SPOCK3: variants seen among roughly 807,000 people sequenced by gnomAD.
SPOCK3 encodes the protein SPARC (osteonectin), cwcv and kazal like domains proteoglycan 3.
Under a neutral mutation model 56.6 loss-of-function variants are expected in SPOCK3, and 30 were observed. That is an observed-to-expected ratio of 0.53 (90% CI 0.40 to 0.72). The LOEUF is 0.72. Among genes scored for constraint, SPOCK3 ranks in the 30% least tolerant of loss-of-function variants. The pLI is 0.00. For missense variants in SPOCK3, 527 were observed against 530.0 expected, an observed-to-expected ratio of 0.99 and a Z score of 0.06; for synonymous variants, 196 against 183.3, an observed-to-expected ratio of 1.07 and a Z score of -0.56.
At chr4:166,842,579 A>G (rs996135737) in intron 6 of SPOCK3, among the ~76,000 whole-genome samples, 2 of 152,192 alleles carry the variant, frequency 1.3e-5, no homozygotes, top group Admixed American at 6.5e-5. Flanking sequence ...CAGAGTGCTG[A>G]TTGGTGTATT....
At chr4:166,791,677 GT>G (rs966150334) in intron 7 of SPOCK3, among the ~76,000 whole-genome samples, 5 of 151,870 alleles carry the variant, frequency 3.3e-5, no homozygotes, top group Admixed American at 3.3e-4. Flanking sequence ...ATTGTAAGAG[GT>G]ATATGGCTCT....
chr4:166,974,625 T>C (rs1745749479), intron 4 of SPOCK3, among the ~76,000 whole-genome samples: 1 of 152,178 alleles, frequency 6.6e-6, no homozygotes, highest in African/African-American at 2.4e-5. Context: ...ATTTCTCTCC[T>C]ACCAAGTTTT....
chr4:167,205,518 TTA>T (rs1287315972), intron 2 of SPOCK3, among the ~76,000 whole-genome samples: 10 of 59,140 alleles, frequency 1.7e-4, no homozygotes, highest in East Asian at 6.2e-4. Flanking sequence ...ATAATATATA[TTA>T]TATATATTAT....
rs572756040 is a variant in SPOCK3, at chr4:166,772,308, C to T, written c.710-17579G>A. Among the ~76,000 whole-genome samples the T allele has an allele frequency of 6.6e-5, 10 of 151,996 alleles. No individual in the cohort carries two copies. The East Asian group carries it at 1.9e-3, about 29-fold the overall frequency. ...TATGCAATGCTATCTGCTGTATTTC[C>T]AAAAATGCCACATTCCATATTCATT... is the stretch of plus-strand genomic sequence containing the variant. On this transcript the variant is annotated intron_variant, in intron 7 of 10. Transcript: ENST00000357545.
At chr4:166,800,632 A>G (rs568399661) in intron 6 of SPOCK3, among the ~76,000 whole-genome samples, 8 of 152,324 alleles carry the variant, frequency 5.3e-5, no homozygotes, top group African/African-American at 1.4e-4. Flanking sequence ...TTTATAGTAC[A>G]AAGATATAAC....
At chr4:167,212,405 C>T (rs962410324) in intron 2 of SPOCK3, among the ~76,000 whole-genome samples, 1 of 151,808 alleles carries the variant, frequency 6.6e-6, no homozygotes, top group Non-Finnish European at 1.5e-5. Flanking sequence ...CCATGCCTGG[C>T]TACTTTTTGT....
chr4:166,833,643 T>C (rs983952203), intron 6 of SPOCK3, among the ~76,000 whole-genome samples: 2 of 152,232 alleles, frequency 1.3e-5, no homozygotes, highest in Admixed American at 6.5e-5. Context: ...TTGCCCCACA[T>C]ATTCCCCATT....
intron 3 of SPOCK3, among the ~76,000 whole-genome samples, chr4:167,054,867 G>A (rs1754613345): frequency 6.6e-6 from 1 of 152,138 alleles, no homozygotes; most frequent in Non-Finnish European, 1.5e-5. Context: ...CTGTCCAAGT[G>A]AAAATATGTA....
intron 3 of SPOCK3, among the ~76,000 whole-genome samples, chr4:167,038,608 T>C (rs945960423): frequency 3.6e-5 from 5 of 139,776 alleles, no homozygotes; most frequent in African/African-American, 5.3e-5. Flanking sequence ...CATCCACCTA[T>C]AGAGAACCTG....
intron 2 of SPOCK3, among the ~76,000 whole-genome samples, chr4:167,208,382 A>G (rs1009737580): frequency 1.3e-5 from 2 of 152,112 alleles, no homozygotes; most frequent in Non-Finnish European, 2.9e-5. Flanking sequence ...TAGTTGGTTT[A>G]TTTTATTTTG....
intron 2 of SPOCK3, among the ~76,000 whole-genome samples, chr4:167,159,561 AC>A (rs1765102825): frequency 6.6e-6 from 1 of 152,158 alleles, no homozygotes; most frequent in Admixed American, 6.6e-5. Context: ...TCATCCTGAT[AC>A]CAAAGCCGGG....
chr4:166,835,842 A>T (rs1746553014), intron 6 of SPOCK3, among the ~76,000 whole-genome samples: 1 of 152,182 alleles, frequency 6.6e-6, no homozygotes. Context: ...TCCACTAAAA[A>T]TAAAAAAATT....
At chr4:167,120,025 A>G (rs1234559128) in intron 2 of SPOCK3, among the ~76,000 whole-genome samples, 4 of 152,278 alleles carry the variant, frequency 2.6e-5, no homozygotes, top group African/African-American at 9.6e-5. Flanking sequence ...CTCTTAAATT[A>G]CATACATGGT....
chr4:167,200,909 C>T (rs1219352344), intron 2 of SPOCK3, among the ~76,000 whole-genome samples: 2 of 152,026 alleles, frequency 1.3e-5, no homozygotes, highest in African/African-American at 4.8e-5. Context: ...AAACACATCT[C>T]TTCAGCAGAA....
intron 5 of SPOCK3, among the ~76,000 whole-genome samples, chr4:166,908,744 C>T (rs776734526): frequency 2.6e-5 from 4 of 152,012 alleles, no homozygotes; most frequent in African/African-American, 4.8e-5. Flanking sequence ...CTTGTGCTCA[C>T]GGCAAATGTA....
At chr4:166,849,057 A>T (rs931537388) in intron 6 of SPOCK3, among the ~76,000 whole-genome samples, 48 of 152,238 alleles carry the variant, frequency 3.2e-4, no homozygotes, top group African/African-American at 9.9e-4. Context: ...ACATGAATAT[A>T]TTCAGAGAAT....
intron 3 of SPOCK3, among the ~76,000 whole-genome samples, chr4:167,026,826 T>C (rs1580047295): frequency 6.6e-6 from 1 of 151,654 alleles, no homozygotes; most frequent in Admixed American, 6.6e-5. Context: ...TGAAGTTTTT[T>C]TTTTTTTTTT....
chr4:167,207,495 T>G (rs28444899), intron 2 of SPOCK3, among the ~76,000 whole-genome samples: 41,469 of 152,008 alleles, frequency 0.27, 7,428 homozygotes, highest in African/African-American at 0.51. Flanking sequence ...CACTATAGCT[T>G]TATATTTTTA....
chr4:167,016,839 C>A (rs1580005006), intron 3 of SPOCK3, among the ~76,000 whole-genome samples: 1 of 152,054 alleles, frequency 6.6e-6, no homozygotes, highest in East Asian at 1.9e-4. Context: ...CACGGCTGAA[C>A]TTGCAAGTTA....
Sources: gnomAD v4.1 joint callset for allele counts (sites outside exome capture counted in the v4.1 genomes callset) on GRCh38, gnomAD v4.1.1 for gene constraint, MANE v1.5 for transcripts, NCBI Gene and HGNC (gene_info 2026-07-23, HGNC 2026-07-21) for gene names.